The following TENM1 variants were observed in gnomAD, a reference collection of about 807,000 sequenced individuals.
TENM1 encodes the protein teneurin transmembrane protein 1, also known as teneurin-1.
Under a neutral mutation model 174.8 loss-of-function variants are expected in TENM1, and 35 were observed. That is an observed-to-expected ratio of 0.20 (90% CI 0.15 to 0.27). The LOEUF (loss-of-function observed/expected upper bound fraction) is 0.27, where lower values mean the gene tolerates loss of function less well. Among genes scored for constraint, TENM1 ranks in the 10% least tolerant of loss-of-function variants. The probability of loss-of-function intolerance (pLI) is 1.00; values close to 1 mark genes in which losing one functional copy is unlikely to be tolerated. For missense variants in TENM1, 1,633 were observed against 2,130.1 expected (o/e 0.77, Z 4.59); for synonymous variants, 781 against 798.7 (o/e 0.98, Z 0.37).
Position 124,565,574 on chromosome X carries a change from A to G in TENM1, c.2078-14T>C. 1.8e-6 allele frequency: 2 copies of G among 1,114,674 alleles called. No homozygotes were observed. Among genetic ancestry groups the G allele is most frequent in the Non-Finnish European group, 2.4e-6 (2 of 839,959 alleles). 91.9% of individuals were successfully genotyped at this position (1,114,674 alleles called of 1,213,427 possible). ...TGGTACACAGCTCTGTGGGGAATTCAAAGAAGACATATTAACATATTTTGT... is the reference window on the plus strand; with the variant it reads ...TGGTACACAGCTCTGTGGGGAATTCGAAGAAGACATATTAACATATTTTGT... On this transcript the variant is annotated splice_polypyrimidine_tract_variant and intron_variant, in intron 11 of 31. Coordinates refer to ENST00000422452, the Ensembl canonical transcript of TENM1.
At chrX:125,198,875 G>A in the TENM1 span, among the ~76,000 whole-genome samples, 1 of 110,081 alleles carries the variant, frequency 9.1e-6, no homozygotes, top group African/African-American at 3.3e-5. Context: ...GGGCAGGGGT[G>A]GGGGCAGGGA....
At chrX:125,202,555 C>G in the TENM1 span, among the ~76,000 whole-genome samples, 1 of 111,669 alleles carries the variant, frequency 9.0e-6, no homozygotes, top group Admixed American at 9.5e-5. Flanking sequence ...AGATGTAGAG[C>G]TTTTCTACCC....
intron 4 of TENM1, among the ~76,000 whole-genome samples, chrX:124,718,977 C>T (rs1168574666): frequency 9.0e-6 from 1 of 111,623 alleles, no homozygotes; most frequent in Non-Finnish European, 1.9e-5. Flanking sequence ...GTCAGATACG[C>T]TGCTAAACAT....
intron 23 of TENM1, among the ~76,000 whole-genome samples, chrX:124,430,309 G>C (rs182904747): frequency 9.0e-6 from 1 of 111,613 alleles, no homozygotes; most frequent in East Asian, 2.8e-4. Context: ...CTAGAAAAAG[G>C]CTTCAATGCA....
chrX:124,951,636 TAA>T (rs1247140261), intron 1 of TENM1, among the ~76,000 whole-genome samples: 1 of 32,561 alleles, frequency 3.1e-5, no homozygotes, highest in East Asian at 9.4e-4. Context: ...TATGAAAAGT[TAA>T]AATATATATA....
the TENM1 span, among the ~76,000 whole-genome samples, chrX:125,127,513 A>T: frequency 8.9e-6 from 1 of 111,776 alleles, no homozygotes; most frequent in Non-Finnish European, 1.9e-5. Context: ...TGTGCTGTCT[A>T]TAAAAAGAAA....
At chrX:124,842,627 T>A (rs2056525456) in intron 3 of TENM1, among the ~76,000 whole-genome samples, 1 of 110,879 alleles carries the variant, frequency 9.0e-6, no homozygotes, top group Admixed American at 9.6e-5. Flanking sequence ...AGCCACCTTT[T>A]TACTGCGTAT....
chrX:124,632,524 AC>A (rs2050785846), intron 11 of TENM1, among the ~76,000 whole-genome samples: 1 of 110,541 alleles, frequency 9.0e-6, no homozygotes, highest in Non-Finnish European at 1.9e-5. Context: ...TATTGTCCTC[AC>A]TCTTTACTGA....
intron 6 of TENM1, among the ~76,000 whole-genome samples, chrX:124,655,614 A>G (rs755370569): frequency 2.7e-5 from 3 of 112,580 alleles, no homozygotes; most frequent in South Asian, 3.7e-4. Flanking sequence ...GGCTTTATTC[A>G]GTGGCCAATG....
the TENM1 span, among the ~76,000 whole-genome samples, chrX:125,072,647 T>A: frequency 3.6e-3 from 398 of 111,440 alleles, 3 homozygotes; most frequent in African/African-American, 0.013. Context: ...CACACCAACA[T>A]GGCACATGTA....
the TENM1 span, among the ~76,000 whole-genome samples, chrX:125,063,927 T>C: frequency 2.7e-5 from 3 of 111,278 alleles, no homozygotes; most frequent in African/African-American, 9.8e-5. Flanking sequence ...CCAACAATGA[T>C]AGACTGGATT....
At chrX:124,667,733 A>G (rs1723569075) in intron 6 of TENM1, among the ~76,000 whole-genome samples, 1 of 111,311 alleles carries the variant, frequency 9.0e-6, no homozygotes, top group African/African-American at 3.3e-5. Flanking sequence ...GTTGTGACTT[A>G]TATCTGCTTA....
At position 124,574,297 on chromosome X, in the gene TENM1, T is replaced by C. The variant is rs142103703; in HGVS notation, c.2078-8737A>G. 1.0e-2 allele frequency among the ~76,000 whole-genome samples: 1,112 copies of C among 111,461 alleles called. 17 individuals are homozygous for C. Among genetic ancestry groups the C allele is most frequent in the African/African-American group, 0.035 (1,074 of 30,750 alleles). On this transcript the variant is annotated intron_variant, in intron 11 of 31. Coordinates refer to ENST00000422452, the Ensembl canonical transcript of TENM1. ...TCAGAACCACTTCTCTGAGATTTAC[T>C]TTTTAGGCAAAAGTTTCTAGTAATG...
the TENM1 span, among the ~76,000 whole-genome samples, chrX:125,109,719 C>T: frequency 1.8e-5 from 2 of 111,802 alleles, no homozygotes; most frequent in Non-Finnish European, 3.8e-5. Flanking sequence ...TACCACTAGC[C>T]TCCCGGCAAA....
At chrX:125,168,989 TGTGG>T in the TENM1 span, among the ~76,000 whole-genome samples, 1 of 110,646 alleles carries the variant, frequency 9.0e-6, no homozygotes, top group African/African-American at 3.3e-5. Context: ...CCTGTGTGTG[TGTGG>T]GTGTGTGTGT....
At chrX:124,462,347 C>T (rs2061184657) in intron 22 of TENM1, among the ~76,000 whole-genome samples, 2 of 106,174 alleles carry the variant, frequency 1.9e-5, no homozygotes, top group African/African-American at 6.9e-5. Context: ...TCTTCCACTC[C>T]CCAGGCAACC....
At chrX:124,894,270 GT>G in intron 3 of TENM1, 25 bp downstream of exon 6, 1 of 1,167,304 alleles carries the variant, frequency 8.6e-7, no homozygotes, top group Non-Finnish European at 1.2e-6. Context: ...AAAATAATTT[GT>G]GATCAAATAT....
chrX:124,604,028 C>T (rs1253438137), intron 11 of TENM1, among the ~76,000 whole-genome samples: 1 of 111,536 alleles, frequency 9.0e-6, no homozygotes, highest in Admixed American at 9.5e-5. Context: ...ATAACATGTT[C>T]ACCCTTTAAT....
chrX:124,759,213 A>T (rs1385959534), intron 3 of TENM1, among the ~76,000 whole-genome samples: 2 of 111,996 alleles, frequency 1.8e-5, no homozygotes, highest in Admixed American at 9.5e-5. Flanking sequence ...TGAATAGGGC[A>T]GACAAGTTAT....
Sources: gnomAD v4.1 joint callset for allele counts (sites outside exome capture counted in the v4.1 genomes callset) on GRCh38, gnomAD v4.1.1 for gene constraint, MANE v1.5 for transcripts, NCBI Gene and HGNC (gene_info 2026-07-23, HGNC 2026-07-21) for gene names.